The following USP14 variants were observed in gnomAD, a reference collection of about 807,000 sequenced individuals.
USP14 encodes the protein ubiquitin specific peptidase 14.
USP14 carries 38 observed loss-of-function variants against 76.5 expected under a neutral mutation model. That is an observed-to-expected ratio of 0.50 (90% CI 0.38 to 0.65). The LOEUF is 0.65. Among genes scored for constraint, USP14 ranks in the 30% least tolerant of loss-of-function variants. USP14 has a pLI of 0.00. For missense variants in USP14, 467 were observed against 586.5 expected, an observed-to-expected ratio of 0.80 and a Z score of 2.10; for synonymous variants, 192 against 191.7, an observed-to-expected ratio of 1.00 and a Z score of -0.01.
At position 204,599 on chromosome 18, in the gene USP14, A is replaced by T; in HGVS notation, c.1071A>T (p.Glu357Asp). 1.2e-6 allele frequency: 2 copies of T among 1,611,924 alleles called. No individual in the cohort carries two copies. The highest frequency in any genetic ancestry group is 1.7e-6 in the Non-Finnish European group (2 of 1,179,306). ...TTCCTCTTATGTTGGATATGTATGA[A>T]CTGTGTACACCAGAACTTCAAGAGA... ...VKFPLMLDMYELCTPELQEKM... is the reference protein window; with the variant it reads ...VKFPLMLDMYDLCTPELQEKM... Residue 357 changes from glutamate to aspartate, a missense_variant, in exon 13 of 16, where the codon GAA becomes GAT. Transcript: ENST00000261601.
chr18:202,991 T>A, intron 11 of USP14, 46 bp downstream of exon 11: 1 of 1,608,554 alleles, frequency 6.2e-7, no homozygotes. Flanking sequence ...TTCACTGAAA[T>A]ATTTCCAGTT....
At chr18:203,464 G>C (rs1440693175) in intron 12 of USP14, among the ~76,000 whole-genome samples, 1 of 152,094 alleles carries the variant, frequency 6.6e-6, no homozygotes, top group African/African-American at 2.4e-5. Flanking sequence ...TTTTTCAAAA[G>C]ATTCATATAC....
chr18:186,488 C>A lies in USP14; in HGVS notation c.404+6149C>A, dbSNP rs572083942. Among the ~76,000 whole-genome samples the A allele has an allele frequency of 5.3e-5, 8 of 151,880 alleles. No homozygotes were observed. In the South Asian group the frequency reaches 1.7e-3, roughly 32 times the overall value. On this transcript the variant is annotated intron_variant, in intron 5 of 15. Coordinates refer to ENST00000261601, the MANE Select transcript of USP14 (RefSeq NM_005151.4). ...AAGAGATGGGCCAGGAGCAGTGGCT[C>A]ATGCTTGTAATCCCAGCACTTTGGG...
At position 213,604 on chromosome 18, in the gene USP14, C is replaced by T. The variant is rs1479614200; in HGVS notation, c.*2320C>T. ...CCATCATCTCAACATTAGAGTTGTG[C>T]TAGATTACTGCTTGACTGACTAGCT... On this transcript the variant is annotated 3_prime_UTR_variant, in exon 16 of 16. Coordinates refer to ENST00000261601, the MANE Select transcript of USP14 (RefSeq NM_005151.4). 2 of 152,346 alleles carry T rather than the reference C, an allele frequency of 1.3e-5. No homozygotes were observed. The allele number at this position is 152,346 out of a possible 1,614,324, so 9.4% of individuals were successfully genotyped here. A position where few individuals can be genotyped will look rare whatever the true frequency, so the allele number is the denominator to read the frequency against.
chr18:197,167 G>A (rs1216178327), intron 7 of USP14, among the ~76,000 whole-genome samples: 1 of 152,046 alleles, frequency 6.6e-6, no homozygotes, highest in African/African-American at 2.4e-5. Context: ...CTTCCTGCAG[G>A]GCCTTTGCTC....
chr18:192,724 C>A, intron 5 of USP14, 118 bp from the exon 6 acceptor site: 1 of 831,642 alleles, frequency 1.2e-6, no homozygotes, highest in South Asian at 1.9e-5. Flanking sequence ...AAGGTGGGAA[C>A]AACTCTGAGA....
chr18:184,064 C>G (rs1189090453), intron 5 of USP14, among the ~76,000 whole-genome samples: 2 of 152,136 alleles, frequency 1.3e-5, no homozygotes, highest in Admixed American at 6.5e-5. Context: ...TCTGTGTAAG[C>G]AGGGGAGATT....
At position 211,049 on chromosome 18, in the gene USP14, C is replaced by T. The variant is rs1192241386; in HGVS notation, c.1334-84C>T. The T allele has an allele frequency of 2.5e-5, 36 of 1,427,902 alleles. No individual in the cohort carries two copies. In the South Asian group the frequency reaches 3.4e-4, roughly 14 times the overall value. The allele number at this position is 1,427,902 out of a possible 1,614,324, so 88.5% of individuals were successfully genotyped here. ...GGCCAGTGGAGCACTGCTGTGCCTC[C>T]GATGACTTGATACTTTTTTTGCAGT... On this transcript the variant is annotated intron_variant, in intron 15 of 15. Transcript: ENST00000261601.
rs1461997733 is a variant in USP14, at chr18:213,311, C to CTA, written c.*2031_*2032dup. On this transcript the variant is annotated 3_prime_UTR_variant, in exon 16 of 16. Transcript: ENST00000261601. ...GCAAAGTATATAAGCCTTGTATGGA[C>CTA]TATATTAGAATTTTAAAAATTGTAA... 1 of 151,876 alleles carries CTA rather than the reference C, an allele frequency of 6.6e-6. No individual in the cohort carries two copies. Among genetic ancestry groups the CTA allele is most frequent in the African/African-American group, 2.4e-5 (1 of 41,346 alleles). The allele number at this position is 151,876 out of a possible 1,614,324, so 9.4% of individuals were successfully genotyped here.
chr18:194,591 A>G (rs905938179), intron 6 of USP14, among the ~76,000 whole-genome samples: 1 of 152,160 alleles, frequency 6.6e-6, no homozygotes, highest in Non-Finnish European at 1.5e-5. Flanking sequence ...TTCAGTATGT[A>G]TTTCCTAACA....
At position 209,852 on chromosome 18, in the gene USP14, A is replaced by C. The variant is rs146845747; in HGVS notation, c.1165-119A>C. 8.7e-4 allele frequency: 578 copies of C among 664,464 alleles called. No individual in the cohort carries two copies. In the Middle Eastern group the frequency reaches 0.013, roughly 15 times the overall value. 41.2% of individuals were successfully genotyped at this position (664,464 alleles called of 1,614,324 possible). A position where few individuals can be genotyped will look rare whatever the true frequency, so the allele number is the denominator to read the frequency against. Reference sequence around the variant, plus strand: ...ATCATTTTAGTAATTTGGAAGGTAGACTGTATTTTGTCTCTGTGCACTGTA... The same window carrying C: ...ATCATTTTAGTAATTTGGAAGGTAGCCTGTATTTTGTCTCTGTGCACTGTA... On this transcript the variant is annotated intron_variant, in intron 13 of 15. Coordinates refer to ENST00000261601, the MANE Select transcript of USP14 (RefSeq NM_005151.4).
chr18:192,574 A>C (rs998220385), intron 5 of USP14, among the ~76,000 whole-genome samples: 1 of 152,204 alleles, frequency 6.6e-6, no homozygotes, highest in Non-Finnish European at 1.5e-5. Context: ...TCAGAAAATA[A>C]AAAATAAAAT....
At chr18:162,216 A>G (rs1909140838) in intron 1 of USP14, among the ~76,000 whole-genome samples, 1 of 152,126 alleles carries the variant, frequency 6.6e-6, no homozygotes, top group Non-Finnish European at 1.5e-5. Context: ...GTGTACAAAT[A>G]TCTGTTTGAG....
At chr18:165,299 G>A (rs1185215983) in intron 2 of USP14, among the ~76,000 whole-genome samples, 2 of 152,098 alleles carry the variant, frequency 1.3e-5, no homozygotes, top group South Asian at 2.1e-4. Context: ...TCCTTCAAGG[G>A]TTAGATAAAA....
intron 3 of USP14, among the ~76,000 whole-genome samples, chr18:175,460 A>C (rs1488003241): frequency 6.6e-6 from 1 of 152,118 alleles, no homozygotes; most frequent in African/African-American, 2.4e-5. Flanking sequence ...ATGGAAGTTG[A>C]ATTTTGTCAT....
chr18:200,492 T>C (rs944106754), intron 10 of USP14, among the ~76,000 whole-genome samples: 6 of 152,228 alleles, frequency 3.9e-5, no homozygotes, highest in Non-Finnish European at 7.3e-5. Context: ...AGTAACCTAA[T>C]TGGCTTTTGG....
intron 1 of USP14, among the ~76,000 whole-genome samples, chr18:162,673 C>T (rs969259476): frequency 3.9e-5 from 6 of 151,996 alleles, no homozygotes; most frequent in African/African-American, 1.2e-4. Flanking sequence ...ATGGGGGCTG[C>T]GAAACTTATC....
At chr18:208,081 G>A (rs1567837361) in intron 13 of USP14, among the ~76,000 whole-genome samples, 1 of 151,424 alleles carries the variant, frequency 6.6e-6, no homozygotes, top group East Asian at 1.9e-4. Context: ...AGTTTTATTT[G>A]TTTATTTTAT....
chr18:167,947 T>A (rs1318096733), intron 3 of USP14, among the ~76,000 whole-genome samples: 1 of 149,792 alleles, frequency 6.7e-6, no homozygotes, highest in Non-Finnish European at 1.5e-5. Context: ...TTTTTTTTTT[T>A]TTTTTTTGAG....
Sources: gnomAD v4.1 joint callset for allele counts (sites outside exome capture counted in the v4.1 genomes callset) on GRCh38, gnomAD v4.1.1 for gene constraint, MANE v1.5 for transcripts, NCBI Gene and HGNC (gene_info 2026-07-23, HGNC 2026-07-21) for gene names.